CDH13: variants seen among roughly 807,000 people sequenced by gnomAD.
CDH13 encodes the protein cadherin 13.
A neutral mutation model predicts 63.8 loss-of-function variants in CDH13; 24 were observed. The ratio of observed to expected loss-of-function variants is 0.38; its 90% CI spans 0.27 to 0.53. The LOEUF is 0.53. CDH13 is among the 20% of genes least tolerant of loss of function. The pLI is 0.85. For synonymous variants in CDH13, 503 were observed against 355.3 expected, an observed-to-expected ratio of 1.42 and a Z score of -4.67; for missense variants, 1,049 against 903.1, an observed-to-expected ratio of 1.16 and a Z score of -2.07.
chr16:82,826,251 C>G (rs2038247990), intron 1 of CDH13: 2 of 152,158 alleles, frequency 1.3e-5, no homozygotes, highest in African/African-American at 4.8e-5. Context: ...CAAATGAAAT[C>G]TTGAAATCAG....
chr16:83,542,674 G>A (rs2075315622), intron 7 of CDH13, among the ~76,000 whole-genome samples: 1 of 152,188 alleles, frequency 6.6e-6, no homozygotes, highest in Admixed American at 6.5e-5. Flanking sequence ...TCTGATGTTT[G>A]CCAGCAACCC....
At chr16:82,993,587 T>A (rs1911888254) in intron 2 of CDH13, among the ~76,000 whole-genome samples, 1 of 152,144 alleles carries the variant, frequency 6.6e-6, no homozygotes, top group South Asian at 2.1e-4. Context: ...TATTTTGGAT[T>A]AATAGCAAAT....
At chr16:83,532,969 A>C (rs779361607) in intron 7 of CDH13, among the ~76,000 whole-genome samples, 1 of 152,210 alleles carries the variant, frequency 6.6e-6, no homozygotes, top group African/African-American at 2.4e-5. Context: ...TTTCTAACAC[A>C]AACTCGTGGT....
chr16:83,412,127 C>G (rs1156594265), intron 6 of CDH13, among the ~76,000 whole-genome samples: 1 of 152,178 alleles, frequency 6.6e-6, no homozygotes, highest in African/African-American at 2.4e-5. Context: ...CTGAATGCAC[C>G]TATGCATGTG....
intron 2 of CDH13, among the ~76,000 whole-genome samples, chr16:82,999,070 C>T (rs1031857827): frequency 2.6e-5 from 4 of 152,156 alleles, no homozygotes; most frequent in African/African-American, 9.7e-5. Flanking sequence ...AACTTTCCTT[C>T]ATTTGATACT....
intron 2 of CDH13, among the ~76,000 whole-genome samples, chr16:82,860,404 G>T (rs577603479): frequency 6.8e-6 from 1 of 146,622 alleles, no homozygotes; most frequent in Non-Finnish European, 1.5e-5. Context: ...GGGGGGCGGC[G>T]GTGTGCGTGT....
At chr16:83,622,330 C>T (rs1275182090) in intron 8 of CDH13, among the ~76,000 whole-genome samples, 1 of 151,786 alleles carries the variant, frequency 6.6e-6, no homozygotes, top group African/African-American at 2.4e-5. Context: ...GCACTGCACT[C>T]CCCTGAGCTT....
chr16:82,706,224 G>A (rs144837814), intron 1 of CDH13, among the ~76,000 whole-genome samples: 69 of 152,066 alleles, frequency 4.5e-4, no homozygotes, highest in East Asian at 4.1e-3. Flanking sequence ...TACCAGGCAC[G>A]ATGCAAGGCA....
In CDH13 at chr16:83,551,012, T is replaced by G. The variant is rs185371318; in HGVS notation, c.961-51442T>G. Among the ~76,000 whole-genome samples, 249 of 152,144 alleles carry G rather than the reference T, an allele frequency of 1.6e-3. 1 individual carries two copies. Among genetic ancestry groups the G allele is most frequent in the Non-Finnish European group, 1.8e-3 (119 of 67,982 alleles). On this transcript the variant is annotated intron_variant, in intron 7 of 13. Coordinates refer to ENST00000567109, the MANE Select transcript of CDH13 (RefSeq NM_001257.5). The stretch of plus-strand genomic sequence containing the variant: ...ATCTCCCAAGTAGTCTTCTGATGAG[T>G]AAGCCTACCCCCATCTCTGTTCCAT...
At chr16:83,080,871 G>GTTTTTTTTTTGTTT (rs2033184900) in intron 3 of CDH13, among the ~76,000 whole-genome samples, 1 of 46,956 alleles carries the variant, frequency 2.1e-5, no homozygotes, top group South Asian at 1.3e-3. Context: ...TTGTTTTTGT[G>GTTTTTTTTTTGTTT]TTTTTTTTTT....
At chr16:82,684,351 A>C (rs752126184) in intron 1 of CDH13, among the ~76,000 whole-genome samples, 8 of 152,136 alleles carry the variant, frequency 5.3e-5, no homozygotes, top group Non-Finnish European at 1.0e-4. Context: ...CCCTTAGATA[A>C]CATCATGTGT....
At chr16:83,322,718 C>G (rs2090257760) in intron 5 of CDH13, among the ~76,000 whole-genome samples, 1 of 152,056 alleles carries the variant, frequency 6.6e-6, no homozygotes, top group African/African-American at 2.4e-5. Context: ...CGTTCTTTTA[C>G]TAATGTATTC....
chr16:83,393,027 A>G (rs1056691585), intron 6 of CDH13, among the ~76,000 whole-genome samples: 25 of 152,266 alleles, frequency 1.6e-4, no homozygotes, highest in African/African-American at 5.3e-4. Context: ...AGACCTGCCA[A>G]TAGCCCTTTC....
intron 7 of CDH13, among the ~76,000 whole-genome samples, chr16:83,489,965 T>G (rs953740467): frequency 2.0e-5 from 3 of 151,496 alleles, no homozygotes; most frequent in Non-Finnish European, 4.4e-5. Flanking sequence ...ATATAGTGAT[T>G]CCAGTTCTGT....
chr16:83,666,518 A>G (rs1300168079), intron 8 of CDH13, among the ~76,000 whole-genome samples: 1 of 152,214 alleles, frequency 6.6e-6, no homozygotes, highest in East Asian at 1.9e-4. Context: ...TTGCTTTCAT[A>G]GTAAATCCCA....
At chr16:83,325,038 C>A (rs1055030076) in intron 5 of CDH13, among the ~76,000 whole-genome samples, 1 of 152,172 alleles carries the variant, frequency 6.6e-6, no homozygotes, top group Admixed American at 6.5e-5. Context: ...TGTCTCCCTC[C>A]TCTTCCCCAT....
intron 1 of CDH13, among the ~76,000 whole-genome samples, chr16:82,737,098 T>C (rs781152558): frequency 6.6e-6 from 1 of 152,254 alleles, no homozygotes; most frequent in Non-Finnish European, 1.5e-5. Context: ...ATTTAGGAGA[T>C]AATGCCTGAA....
intron 7 of CDH13, among the ~76,000 whole-genome samples, chr16:83,502,590 G>A (rs2074306905): frequency 6.6e-6 from 1 of 152,170 alleles, no homozygotes; most frequent in African/African-American, 2.4e-5. Context: ...TGGTTTGTGG[G>A]CTTGAAAGAG....
chr16:83,174,848 A>G (rs9937719), intron 4 of CDH13, among the ~76,000 whole-genome samples: 2,487 of 152,216 alleles, frequency 0.016, 85 homozygotes, highest in African/African-American at 0.056. Context: ...GGAGAGAGAG[A>G]GAAAAAGAGC....
Sources: gnomAD v4.1 joint callset for allele counts (sites outside exome capture counted in the v4.1 genomes callset) on GRCh38, gnomAD v4.1.1 for gene constraint, MANE v1.5 for transcripts, NCBI Gene and HGNC (gene_info 2026-07-23, HGNC 2026-07-21) for gene names.